XPOT: variants seen among roughly 807,000 people sequenced by gnomAD.
XPOT encodes the protein exportin for tRNA.
A neutral mutation model predicts 128.2 loss-of-function variants in XPOT; 34 were observed. The ratio of observed to expected loss-of-function variants is 0.27; its 90% CI spans 0.20 to 0.35. XPOT has a LOEUF of 0.35. Among genes scored for constraint, XPOT ranks in the 10% least tolerant of loss-of-function variants. XPOT has a pLI of 1.00. For synonymous variants in XPOT, 348 were observed against 394.3 expected, an observed-to-expected ratio of 0.88 and a Z score of 1.39; for missense variants, 838 against 1,125.3, an observed-to-expected ratio of 0.74 and a Z score of 3.65.
In XPOT at chr12:64,428,906, A is replaced by G. The variant is rs564603515; in HGVS notation, c.1737+786A>G. On this transcript the variant is annotated intron_variant, in intron 16 of 24. Coordinates refer to ENST00000332707, the MANE Select transcript of XPOT (RefSeq NM_007235.6). Reference sequence around the variant, plus strand: ...AGCAGACAAACTGTATTCATAAATCAGAAAGCAAAATGTGTAAGTGCATGT... The same window carrying G: ...AGCAGACAAACTGTATTCATAAATCGGAAAGCAAAATGTGTAAGTGCATGT... Among the ~76,000 whole-genome samples the G allele has an allele frequency of 3.3e-5, 5 of 152,364 alleles. No homozygotes were observed. The South Asian group carries it at 1.0e-3, about 32-fold the overall frequency.
chr12:64,435,037 CT>C (rs1006883305), intron 21 of XPOT, 128 bp downstream of exon 21: 4 of 756,882 alleles, frequency 5.3e-6, no homozygotes, highest in Admixed American at 3.1e-5. Flanking sequence ...GATCAGGGTT[CT>C]TTTTTTAAAG....
At chr12:64,417,891 A>G (rs2040102477) in intron 4 of XPOT, among the ~76,000 whole-genome samples, 155 bp from the exon 5 acceptor site, 1 of 152,266 alleles carries the variant, frequency 6.6e-6, no homozygotes, top group African/African-American at 2.4e-5. Flanking sequence ...CTTATCTTTA[A>G]AGCAATGATG....
At chr12:64,419,131 A>C in intron 6 of XPOT, 37 bp downstream of exon 6, 4 of 1,570,106 alleles carry the variant, frequency 2.5e-6, no homozygotes, top group Middle Eastern at 1.7e-4. Flanking sequence ...TATTTAATGT[A>C]AGTTTTGTAG....
chr12:64,416,992 C>A (rs1028432416), intron 4 of XPOT, among the ~76,000 whole-genome samples: 3 of 152,058 alleles, frequency 2.0e-5, no homozygotes, highest in African/African-American at 7.2e-5. Context: ...GCCGGTAGAT[C>A]ACTTGAAGTC....
intron 3 of XPOT, among the ~76,000 whole-genome samples, chr12:64,416,154 G>C (rs943439097): frequency 2.6e-5 from 4 of 152,190 alleles, no homozygotes; most frequent in African/African-American, 9.7e-5. Context: ...CCCCCATCTT[G>C]TATAAGCAAG....
chr12:64,444,459 T>C (rs1251782370), intron 23 of XPOT, among the ~76,000 whole-genome samples: 1 of 152,230 alleles, frequency 6.6e-6, no homozygotes, highest in East Asian at 1.9e-4. Flanking sequence ...ATACATACAA[T>C]AGAATATTAA....
chr12:64,405,859 G>C (rs184336402), intron 1 of XPOT, among the ~76,000 whole-genome samples: 1 of 152,110 alleles, frequency 6.6e-6, no homozygotes, highest in African/African-American at 2.4e-5. Flanking sequence ...CTCGCGATCC[G>C]CCCGCCTCAG....
Position 64,439,330 on chromosome 12 carries a change from T to G in XPOT, c.2805+15T>G, listed in dbSNP as rs377398582. ...AAATAATTCAGGTAAGAGCTATTTC[T>G]TACCATTGTGTAGGCGAGAGATCAC... is the stretch of plus-strand genomic sequence containing the variant. On this transcript the variant is annotated intron_variant, in intron 23 of 24. Transcript: ENST00000332707. 2.5e-6 allele frequency: 4 copies of G among 1,611,858 alleles called. No homozygotes were observed. In the African/African-American group the frequency reaches 4.0e-5, roughly 16 times the overall value.
chr12:64,440,958 A>T (rs1488293275), intron 23 of XPOT, among the ~76,000 whole-genome samples: 1 of 152,160 alleles, frequency 6.6e-6, no homozygotes, highest in East Asian at 1.9e-4. Flanking sequence ...GAAGCTTCTT[A>T]ATTCAATGTA....
At position 64,450,231 on chromosome 12, in the gene XPOT, CTG is replaced by C. The variant is rs1301889009; in HGVS notation, c.*2102_*2103del. 6.6e-6 allele frequency: 1 copy of C among 151,682 alleles called. No individual in the cohort carries two copies. Among genetic ancestry groups the C allele is most frequent in the African/African-American group, 2.4e-5 (1 of 41,232 alleles). 9.4% of individuals were successfully genotyped at this position (151,682 alleles called of 1,614,324 possible). A position where few individuals can be genotyped will look rare whatever the true frequency, so the allele number is the denominator to read the frequency against. Reference sequence around the variant, plus strand: ...AGTGCAGTGGTGACATCATAGCTCACTGTAACTTCTCCCATACTCTACCAATC... The same window carrying C: ...AGTGCAGTGGTGACATCATAGCTCACTAACTTCTCCCATACTCTACCAATC... On this transcript the variant is annotated 3_prime_UTR_variant, in exon 25 of 25. Coordinates refer to ENST00000332707, the MANE Select transcript of XPOT (RefSeq NM_007235.6).
At chr12:64,444,042 A>G (rs2040347931) in intron 23 of XPOT, among the ~76,000 whole-genome samples, 1 of 152,248 alleles carries the variant, frequency 6.6e-6, no homozygotes, top group Admixed American at 6.5e-5. Context: ...GCTAAATGAA[A>G]TAAAATTATT....
chr12:64,429,391 G>A (rs2040218330), intron 16 of XPOT, among the ~76,000 whole-genome samples: 2 of 151,816 alleles, frequency 1.3e-5, no homozygotes, highest in African/African-American at 2.4e-5. Context: ...GCAAAATAAT[G>A]CTTTACTGTG....
At chr12:64,445,463 T>C (rs2040360391) in intron 24 of XPOT, among the ~76,000 whole-genome samples, 1 of 152,304 alleles carries the variant, frequency 6.6e-6, no homozygotes, top group South Asian at 2.1e-4. Flanking sequence ...TTTGCTTATA[T>C]CCTATTTTGA....
At position 64,450,319 on chromosome 12, in the gene XPOT, A is replaced by AT. The variant is rs571468723; in HGVS notation, c.*2197dup. 22 of 150,948 alleles carry AT rather than the reference A, an allele frequency of 1.5e-4. No individual in the cohort carries two copies. Among genetic ancestry groups the AT allele is most frequent in the Admixed American group, 2.6e-4 (4 of 15,138 alleles). 9.4% of individuals were successfully genotyped at this position (150,948 alleles called of 1,614,324 possible). A position where few individuals can be genotyped will look rare whatever the true frequency, so the allele number is the denominator to read the frequency against. ...GGTGTGCACCACCACACCCAGCTAC[A>AT]TTTTTTTTTGGTAGAGACAGGGTCT... is the stretch of plus-strand genomic sequence containing the variant. On this transcript the variant is annotated 3_prime_UTR_variant, in exon 25 of 25. Coordinates refer to ENST00000332707, the MANE Select transcript of XPOT (RefSeq NM_007235.6).
rs182315962 is a variant in XPOT, at chr12:64,424,447, T to A, written c.1183-152T>A. On this transcript the variant is annotated intron_variant, in intron 11 of 24. Coordinates refer to ENST00000332707, the MANE Select transcript of XPOT (RefSeq NM_007235.6). ...TATTTACATGAATTTTAAGGTCTTT[T>A]AAGTTTTTAATTTTTATTATTATAC... The A allele has an allele frequency of 4.5e-5, 28 of 626,372 alleles. No individual in the cohort carries two copies. In the Admixed American group the frequency reaches 5.7e-4, roughly 13 times the overall value. 38.8% of individuals were successfully genotyped at this position (626,372 alleles called of 1,614,324 possible).
intron 1 of XPOT, among the ~76,000 whole-genome samples, chr12:64,408,672 T>G (rs78028661): frequency 0.033 from 4,979 of 151,932 alleles, 119 homozygotes; most frequent in Non-Finnish European, 0.049. Flanking sequence ...GGATTTTTTT[T>G]TGTGTGTTTT....
At chr12:64,431,031 G>A (rs916097069) in intron 17 of XPOT, among the ~76,000 whole-genome samples, 14 of 151,928 alleles carry the variant, frequency 9.2e-5, no homozygotes, top group African/African-American at 2.9e-4. Context: ...TGCAACCTCC[G>A]CCTCCCAGGC....
chr12:64,442,265 A>G (rs2040331113), intron 23 of XPOT, among the ~76,000 whole-genome samples: 1 of 151,994 alleles, frequency 6.6e-6, no homozygotes, highest in Non-Finnish European at 1.5e-5. Context: ...CAGCCTCCCA[A>G]GTAGTTAGGA....
rs1207424921 is a variant in XPOT at position 64,449,025 on chromosome 12, C to T, written c.*894C>T. The T allele has an allele frequency of 6.6e-6, 1 of 151,926 alleles. No individual in the cohort carries two copies. Among genetic ancestry groups the T allele is most frequent in the Non-Finnish European group, 1.5e-5 (1 of 68,016 alleles). 9.4% of individuals were successfully genotyped at this position (151,926 alleles called of 1,614,324 possible). ...ACTAGCCTGGCCAACATGGTGAAACCCCATCTCTACTAAAAATACAACAGC... is the reference window on the plus strand; with the variant it reads ...ACTAGCCTGGCCAACATGGTGAAACTCCATCTCTACTAAAAATACAACAGC... On this transcript the variant is annotated 3_prime_UTR_variant, in exon 25 of 25. Coordinates refer to ENST00000332707, the MANE Select transcript of XPOT (RefSeq NM_007235.6).
Sources: gnomAD v4.1 joint callset for allele counts (sites outside exome capture counted in the v4.1 genomes callset) on GRCh38, gnomAD v4.1.1 for gene constraint, MANE v1.5 for transcripts, NCBI Gene and HGNC (gene_info 2026-07-23, HGNC 2026-07-21) for gene names.